Variants in MEGF6 observed in about 807,000 individuals in gnomAD.
The protein encoded by MEGF6 is multiple EGF like domains 6.
MEGF6 carries 184 observed loss-of-function variants against 207.1 expected under a neutral mutation model. The observed-to-expected ratio is 0.89, with a 90% CI of 0.79 to 1.00. The LOEUF is 1.00. MEGF6 is among the 50% of genes least tolerant of loss of function. MEGF6 has a pLI of 0.00. For missense variants in MEGF6, 2,282 were observed against 2,202.9 expected, an observed-to-expected ratio of 1.04 and a Z score of -0.72; for synonymous variants, 1,038 against 910.0, an observed-to-expected ratio of 1.14 and a Z score of -2.53.
At chr1:3,584,581 G>A (rs1431185166) in intron 3 of MEGF6, among the ~76,000 whole-genome samples, 3 of 152,224 alleles carry the variant, frequency 2.0e-5, no homozygotes, top group Non-Finnish European at 2.9e-5. Flanking sequence ...CTGGACTCTG[G>A]TGACTGGCGC....
intron 4 of MEGF6, among the ~76,000 whole-genome samples, chr1:3,576,300 C>T (rs867964185): frequency 1.3e-5 from 2 of 152,216 alleles, no homozygotes; most frequent in South Asian, 2.1e-4. Flanking sequence ...GCTGCAGACC[C>T]GAGACTTGCC....
intron 4 of MEGF6, among the ~76,000 whole-genome samples, chr1:3,562,328 A>G (rs1643228125): frequency 6.6e-6 from 1 of 151,714 alleles, no homozygotes; most frequent in Admixed American, 6.6e-5. Context: ...CTGTCTCTCA[A>G]TATCTGTTTC....
At chr1:3,610,473 CCCTCCTCCT>C (rs879724888) in intron 1 of MEGF6, among the ~76,000 whole-genome samples, 59 of 146,452 alleles carry the variant, frequency 4.0e-4, no homozygotes, top group African/African-American at 1.4e-3. Context: ...CCAGCGACTC[CCCTCCTCCT>C]CCTCCTCCTC....
intron 4 of MEGF6, among the ~76,000 whole-genome samples, chr1:3,549,883 A>C (rs941771940): frequency 6.6e-6 from 1 of 152,206 alleles, no homozygotes; most frequent in Non-Finnish European, 1.5e-5. Flanking sequence ...ATCCAAGCAC[A>C]GGCACGGGTG....
intron 30 of MEGF6, among the ~76,000 whole-genome samples, chr1:3,495,075 G>A (rs549237478): frequency 6.4e-4 from 98 of 152,308 alleles, no homozygotes; most frequent in Admixed American, 1.7e-3. Context: ...GCTGTCTCCC[G>A]CTTGGGAGTG....
At chr1:3,623,692 G>A in the MEGF6 span, 1,761 of 152,398 alleles carry the variant, frequency 0.012, 16 homozygotes, top group Non-Finnish European at 0.019. Flanking sequence ...GACTCCAGGG[G>A]TATTGGGTCT....
At chr1:3,611,988 G>A (rs1438117377), upstream of MEGF6, among the ~76,000 whole-genome samples, 1 of 152,076 alleles carries the variant, frequency 6.6e-6, no homozygotes, top group Non-Finnish European at 1.5e-5. Context: ...CAAGTCCCAC[G>A]GGGAAGCCAG....
At chr1:3,621,359 A>G in the MEGF6 span, among the ~76,000 whole-genome samples, 66 of 152,360 alleles carry the variant, frequency 4.3e-4, no homozygotes, top group African/African-American at 1.5e-3. Context: ...CTGTCCGGGC[A>G]TAACAGAAGG....
intron 3 of MEGF6, among the ~76,000 whole-genome samples, chr1:3,585,140 CAT>C (rs367552926): frequency 7.7e-4 from 113 of 147,208 alleles, no homozygotes; most frequent in African/African-American, 2.7e-3. Context: ...GTGAGTGACA[CAT>C]GTCCTGTGTG....
At chr1:3,580,925 AAGCTCT>A (rs1214291176) in intron 3 of MEGF6, among the ~76,000 whole-genome samples, 1 of 151,962 alleles carries the variant, frequency 6.6e-6, no homozygotes, top group Non-Finnish European at 1.5e-5. Flanking sequence ...GCAGGGAGGG[AAGCTCT>A]AGACAAGGGG....
chr1:3,512,069 C>G lies in MEGF6; in HGVS notation c.913G>C (p.Gly305Arg), dbSNP rs374999521. 3 of 1,612,556 alleles carry G rather than the reference C, an allele frequency of 1.9e-6. No individual in the cohort carries two copies. The African/African-American group carries it at 4.0e-5, about 22-fold the overall frequency. ...GCGTGACACACGCACTTGAAGGACC[C>G]CTGGGTGTTGAGGCAGCCATGGGCA... ...QCAHGCLNTQ[G>R]SFKCVCHAGY... is the part of the protein sequence containing the mutation. The change falls in exon 8 of 37, where the codon GGG (glycine) becomes CGG (arginine). Residue 305 changes from glycine (G) to arginine (R), a missense_variant. Transcript: ENST00000356575.
At position 3,573,108 on chromosome 1, in the gene MEGF6, G is replaced by A. The variant is rs1643555668; in HGVS notation, c.481+6717C>T. On this transcript the variant is annotated intron_variant, in intron 4 of 36. Transcript: ENST00000356575. The surrounding 1 kb of genome is among the most constrained non-coding windows in gnomAD (Gnocchi z 5.1). ...AGGTGTGCTGGGTCCTTCCTGGTAT[G>A]CTGGGTCCTCCTGTGTGTGCTGGGT... Among the ~76,000 whole-genome samples the A allele has an allele frequency of 2.0e-5, 3 of 149,672 alleles. No individual in the cohort carries two copies. Among genetic ancestry groups the A allele is most frequent in the Non-Finnish European group, 3.0e-5 (2 of 67,438 alleles).
chr1:3,548,156 G>A (rs998510138), intron 4 of MEGF6, among the ~76,000 whole-genome samples: 2 of 152,178 alleles, frequency 1.3e-5, no homozygotes, highest in Non-Finnish European at 2.9e-5. Flanking sequence ...ATGGCCAGAC[G>A]CCAGCCCAGC....
In MEGF6 at chr1:3,611,126, C is replaced by T. The variant is rs1644318745; in HGVS notation, c.131+12G>A. ...GACGACCGGCCGAGCCCTCCCAGCT[C>T]CTGCTACTCACATGCCGGGCTGCAG... On this transcript the variant is annotated intron_variant, in intron 1 of 36. Coordinates refer to ENST00000356575, the MANE Select transcript of MEGF6 (RefSeq NM_001409.4). The T allele has an allele frequency of 6.7e-7, 1 of 1,500,584 alleles. No individual in the cohort carries two copies. Among genetic ancestry groups the T allele is most frequent in the African/African-American group, 1.4e-5 (1 of 69,128 alleles). The allele number at this position is 1,500,584 out of a possible 1,614,324, so 93.0% of individuals were successfully genotyped here.
At chr1:3,574,017 G>T (rs1019296080) in intron 4 of MEGF6, among the ~76,000 whole-genome samples, 2 of 152,032 alleles carry the variant, frequency 1.3e-5, no homozygotes, top group African/African-American at 2.4e-5. Flanking sequence ...CCCAACAGCT[G>T]CCAGAGCCAC....
rs944962192 is a variant in MEGF6 at position 3,567,683 on chromosome 1, C to T, written c.481+12142G>A. On this transcript the variant is annotated intron_variant, in intron 4 of 36. Coordinates refer to ENST00000356575, the MANE Select transcript of MEGF6 (RefSeq NM_001409.4). ...GGCCCTCGGTCCCTAGGAGCACCTG[C>T]GACCCAGAGCGTCACCCTGCAGGCC... 5.3e-5 allele frequency among the ~76,000 whole-genome samples: 8 copies of T among 152,184 alleles called. No individual in the cohort carries two copies. In the East Asian group the frequency reaches 7.7e-4, roughly 15 times the overall value.
At chr1:3,500,937 G>A in intron 20 of MEGF6, 29 bp downstream of exon 20, 2 of 1,610,662 alleles carry the variant, frequency 1.2e-6, no homozygotes, top group South Asian at 2.2e-5. Flanking sequence ...GGGATGTCTG[G>A]ACAAAGGGCA....
chr1:3,519,130 C>T (rs1019386647), intron 5 of MEGF6, among the ~76,000 whole-genome samples: 1 of 152,186 alleles, frequency 6.6e-6, no homozygotes, highest in African/African-American at 2.4e-5. Context: ...CCAGGCTAAG[C>T]TGACCCCACA....
chr1:3,491,133 G>C lies in MEGF6; in HGVS notation c.4517-174C>G, dbSNP rs543354756. On this transcript the variant is annotated intron_variant, in intron 35 of 36. Transcript: ENST00000356575. ...GAAGGAACGGGGGCGGGAGCTGGGG[G>C]GGGGGGCTCTCCCTCTCCCCATAGG... 4.2e-4 allele frequency among the ~76,000 whole-genome samples: 64 copies of C among 152,010 alleles called. 2 individuals are homozygous for C. Among genetic ancestry groups the C allele is most frequent in the Middle Eastern group, 3.5e-3 (1 of 288 alleles).
Sources: gnomAD v4.1 joint callset for allele counts (sites outside exome capture counted in the v4.1 genomes callset) on GRCh38, gnomAD v4.1.1 for gene constraint, Gnocchi (gnomAD v3.1) non-coding constraint, MANE v1.5 for transcripts, NCBI Gene and HGNC (gene_info 2026-07-23, HGNC 2026-07-21) for gene names.